The following ZCRB1 variants were observed in gnomAD, a reference collection of about 807,000 sequenced individuals.
The protein encoded by ZCRB1 is zinc finger CCHC-type and RNA-binding motif-containing protein 1.
ZCRB1 carries 21 observed loss-of-function variants against 29.9 expected under a neutral mutation model. The observed-to-expected ratio is 0.70, with a 90% CI of 0.50 to 1.01. ZCRB1 has a LOEUF of 1.01. Ranked by LOEUF, ZCRB1 falls within the 50% of genes least tolerant of loss-of-function variation. The probability of loss-of-function intolerance (pLI) is 0.00; values close to 1 mark genes in which losing one functional copy is unlikely to be tolerated. For missense variants in ZCRB1, 204 were observed against 253.3 expected (o/e 0.81, Z 1.32); for synonymous variants, 77 against 80.0 (o/e 0.96, Z 0.20).
intron 2 of ZCRB1, among the ~76,000 whole-genome samples, chr12:42,323,483 T>C (rs145220404): frequency 7.2e-5 from 11 of 152,338 alleles, no homozygotes; most frequent in Non-Finnish European, 1.3e-4. Context: ...GACCGCCCTA[T>C]GTAAAATTTC....
intron 1 of ZCRB1, among the ~76,000 whole-genome samples, chr12:42,325,043 C>A (rs1193218470): frequency 6.6e-6 from 1 of 152,208 alleles, no homozygotes; most frequent in African/African-American, 2.4e-5. Flanking sequence ...TCCTAGGCTA[C>A]AACCTGTACA....
chr12:42,321,693 C>G (rs2068622466), intron 3 of ZCRB1, among the ~76,000 whole-genome samples: 1 of 152,106 alleles, frequency 6.6e-6, no homozygotes, highest in African/African-American at 2.4e-5. Flanking sequence ...TTATGGAACA[C>G]TAGAAGAAAT....
rs532725287 is a variant in ZCRB1 at position 42,312,636 on chromosome 12, G to C, written c.*431C>G. ...GGTAGGGCAGACAAATAACACCTGT[G>C]TTTGATTTTAAGCCTTTTAGAGCTA... On this transcript the variant is annotated 3_prime_UTR_variant, in exon 8 of 8. Transcript: ENST00000266529. The C allele has an allele frequency of 6.6e-6, 1 of 152,176 alleles. No individual in the cohort carries two copies. The highest frequency in any genetic ancestry group is 2.4e-5 in the African/African-American group (1 of 41,416). The allele number at this position is 152,176 out of a possible 1,614,324, so 9.4% of individuals were successfully genotyped here.
intron 5 of ZCRB1, among the ~76,000 whole-genome samples, chr12:42,317,048 A>C (rs11829171): frequency 0.18 from 27,983 of 151,936 alleles, 2,814 homozygotes; most frequent in African/African-American, 0.25. Flanking sequence ...CTCTACAAAA[A>C]AATTTAAAAA....
intron 5 of ZCRB1, among the ~76,000 whole-genome samples, chr12:42,314,343 T>C (rs926505269): frequency 7.7e-6 from 1 of 130,128 alleles, no homozygotes; most frequent in Admixed American, 9.7e-5. Flanking sequence ...GTGGATCACC[T>C]GAGGTCTGGA....
chr12:42,322,528 T>A, intron 2 of ZCRB1, 82 bp from the exon 3 acceptor site: 1 of 1,316,326 alleles, frequency 7.6e-7, no homozygotes, highest in Non-Finnish European at 1.0e-6. Flanking sequence ...TTGACCAAAT[T>A]CTTTGTTACA....
At chr12:42,322,388 G>T in intron 3 of ZCRB1, 30 bp downstream of exon 3, 3 of 1,440,448 alleles carry the variant, frequency 2.1e-6, no homozygotes, top group South Asian at 1.4e-5. Context: ...ACTTTTAAAT[G>T]AAGTTACAAA....
At chr12:42,321,762 T>C (rs1347918720) in intron 3 of ZCRB1, among the ~76,000 whole-genome samples, 3 of 152,242 alleles carry the variant, frequency 2.0e-5, no homozygotes, top group East Asian at 3.8e-4. Context: ...AGAATCTATA[T>C]TGGTTACAAG....
At position 42,316,339 on chromosome 12, in the gene ZCRB1, A is replaced by G. The variant is rs142243158; in HGVS notation, c.333+1001T>C. Among the ~76,000 whole-genome samples the G allele has an allele frequency of 9.2e-3, 1,397 of 152,108 alleles. 14 individuals are homozygous for G. The highest frequency in any genetic ancestry group is 0.012 in the Non-Finnish European group (798 of 67,984). ...GCTTTTGAACTCCAGACCTCAAGTG[A>G]TCCGTCCACCTCAGCATCCCAAAAT... is the stretch of plus-strand genomic sequence containing the variant. On this transcript the variant is annotated intron_variant, in intron 5 of 7. Coordinates refer to ENST00000266529, the MANE Select transcript of ZCRB1 (RefSeq NM_033114.4).
intron 3 of ZCRB1, among the ~76,000 whole-genome samples, chr12:42,318,985 A>C (rs779384209): frequency 6.6e-6 from 1 of 152,212 alleles, no homozygotes; most frequent in Non-Finnish European, 1.5e-5. Context: ...TCTTGCTTAC[A>C]ACAGAATGCC....
chr12:42,320,963 C>T (rs889238850), intron 3 of ZCRB1, among the ~76,000 whole-genome samples: 3 of 152,206 alleles, frequency 2.0e-5, no homozygotes, highest in African/African-American at 7.2e-5. Flanking sequence ...CCCTTACTCA[C>T]TCATCTCCAG....
At chr12:42,318,515 G>C (rs369464612) in intron 3 of ZCRB1, among the ~76,000 whole-genome samples, 1 of 152,084 alleles carries the variant, frequency 6.6e-6, no homozygotes, top group East Asian at 1.9e-4. Flanking sequence ...CACCCACCAG[G>C]GTGTACCTGA....
rs750821771 is a variant in ZCRB1, at chr12:42,313,900, CT to C, written c.419del (p.Lys140ArgfsTer13). On this transcript the variant is annotated frameshift_variant, in exon 6 of 8. Transcript: ENST00000266529. LOFTEE classifies it high-confidence loss of function. ...PPKKKEKKKK[K>X]KAPEPEEEIE... is the part of the protein sequence containing the mutation. ...TTTCTTCTTCTGGTTCAGGAGCTTT[CT>C]TTTTTTTCTTTTTTTCTTTCTTCTT... The C allele has an allele frequency of 4.4e-6, 7 of 1,602,052 alleles. No homozygotes were observed. The African/African-American group carries it at 6.8e-5, about 16-fold the overall frequency.
At chr12:42,322,363 A>C (rs1445033679) in intron 3 of ZCRB1, 55 bp downstream of exon 3, 5 of 1,406,568 alleles carry the variant, frequency 3.6e-6, no homozygotes, top group East Asian at 2.6e-5. Context: ...AAAATGTAGA[A>C]GCAAATTCAG....
chr12:42,319,340 A>G (rs117714319), intron 3 of ZCRB1, among the ~76,000 whole-genome samples: 8 of 152,290 alleles, frequency 5.3e-5, no homozygotes, highest in Non-Finnish European at 1.2e-4. Flanking sequence ...TAAGGAATAA[A>G]TAAAATCACA....
intron 5 of ZCRB1, 76 bp from the exon 6 acceptor site, chr12:42,314,062 T>C: frequency 6.7e-7 from 1 of 1,484,520 alleles, no homozygotes; most frequent in South Asian, 1.3e-5. Context: ...TGGTACCTTA[T>C]TACTAAAAAG....
rs375299818 is a variant in ZCRB1, at chr12:42,320,609, G to A, written c.113+1809C>T. Among the ~76,000 whole-genome samples, 8 of 151,840 alleles carry A rather than the reference G, an allele frequency of 5.3e-5. No individual in the cohort carries two copies. In the East Asian group the frequency reaches 5.8e-4, roughly 11 times the overall value. ...ATTACAGGTGTGTACCACCAGGGCC[G>A]GCTACTTTTTGTATTTTTTGTAGAG... On this transcript the variant is annotated intron_variant, in intron 3 of 7. Transcript: ENST00000266529.
chr12:42,318,733 A>C (rs1234251600), intron 3 of ZCRB1, among the ~76,000 whole-genome samples: 1 of 152,168 alleles, frequency 6.6e-6, no homozygotes, highest in African/African-American at 2.4e-5. Flanking sequence ...AGAAGGTAAG[A>C]GAGTGCAAGA....
At chr12:42,314,114 CAGAAGA>C in intron 5 of ZCRB1, 128 bp from the exon 6 acceptor site, 2 of 841,384 alleles carry the variant, frequency 2.4e-6, no homozygotes, top group Non-Finnish European at 1.8e-6. Flanking sequence ...TGGGACTATA[CAGAAGA>C]CATTAATGAT....
Sources: gnomAD v4.1 joint callset for allele counts (sites outside exome capture counted in the v4.1 genomes callset) on GRCh38, gnomAD v4.1.1 for gene constraint, MANE v1.5 for transcripts, NCBI Gene and HGNC (gene_info 2026-07-23, HGNC 2026-07-21) for gene names.